AFG1L: variants seen among roughly 807,000 people sequenced by gnomAD.
AFG1L encodes the protein AFG1 like ATPase, also known as AFG1-like ATPase.
AFG1L carries 53 observed loss-of-function variants against 62.2 expected under a neutral mutation model. That is an observed-to-expected ratio of 0.85 (90% CI 0.68 to 1.07). The LOEUF (loss-of-function observed/expected upper bound fraction) is 1.07, where lower values mean the gene tolerates loss of function less well. Ranked by LOEUF, AFG1L falls within the 50% of genes least tolerant of loss-of-function variation. AFG1L has a pLI of 0.00. For missense variants in AFG1L, 555 were observed against 590.5 expected, an observed-to-expected ratio of 0.94 and a Z score of 0.62; for synonymous variants, 228 against 210.3, an observed-to-expected ratio of 1.08 and a Z score of -0.73.
At chr6:108,428,211 T>C (rs565441865) in intron 7 of AFG1L, among the ~76,000 whole-genome samples, 31 of 152,232 alleles carry the variant, frequency 2.0e-4, no homozygotes, top group Non-Finnish European at 4.4e-4. Context: ...TTTGGTTTTC[T>C]ATTCCTGAGT....
chr6:108,431,852 G>A (rs1771092927), intron 7 of AFG1L, among the ~76,000 whole-genome samples: 1 of 151,830 alleles, frequency 6.6e-6, no homozygotes, highest in African/African-American at 2.4e-5. Context: ...CCAAAGTGCT[G>A]GGATTATAGG....
chr6:108,458,238 C>A (rs2114774096), intron 8 of AFG1L, among the ~76,000 whole-genome samples: 1 of 152,142 alleles, frequency 6.6e-6, no homozygotes, highest in South Asian at 2.1e-4. Context: ...TCTCCCCATC[C>A]CTTCCCCTCC....
intron 6 of AFG1L, among the ~76,000 whole-genome samples, chr6:108,401,134 T>TA (rs1781586844): frequency 1.7e-5 from 1 of 59,328 alleles, no homozygotes; most frequent in Non-Finnish European, 4.6e-5. Flanking sequence ...GCCTGGCTAA[T>TA]TTTTTTTTTT....
At chr6:108,452,012 G>T (rs940607694) in intron 8 of AFG1L, among the ~76,000 whole-genome samples, 1 of 152,128 alleles carries the variant, frequency 6.6e-6, no homozygotes, top group Non-Finnish European at 1.5e-5. Flanking sequence ...CACCACGCCC[G>T]GCCAGTTTGT....
rs1280349194 is a variant in AFG1L at position 108,477,189 on chromosome 6, T to C, written c.962-3T>C. 6.3e-7 allele frequency: 1 copy of C among 1,574,836 alleles called. No homozygotes were observed. On this transcript the variant is annotated splice_region_variant and splice_polypyrimidine_tract_variant and intron_variant, in intron 9 of 12. Coordinates refer to ENST00000368977, the MANE Select transcript of AFG1L (RefSeq NM_145315.5). ...GATTGAGTCTTTGTTCATGTTCCCA[T>C]AGTAACTAGACCAAGGATTCTAAAA...
At chr6:108,446,093 CACACACACA>C (rs1562166647) in intron 7 of AFG1L, among the ~76,000 whole-genome samples, 18 of 114,536 alleles carry the variant, frequency 1.6e-4, no homozygotes, top group South Asian at 5.2e-4. Flanking sequence ...CACACACACA[CACACACACA>C]CCCCTACATA....
At chr6:108,339,724 A>G (rs1778609840) in intron 2 of AFG1L, among the ~76,000 whole-genome samples, 1 of 152,162 alleles carries the variant, frequency 6.6e-6, no homozygotes, top group African/African-American at 2.4e-5. Context: ...GCTGGATTAC[A>G]GGTGTGAACT....
intron 10 of AFG1L, among the ~76,000 whole-genome samples, chr6:108,506,144 G>T (rs1016890740): frequency 6.6e-6 from 1 of 152,156 alleles, no homozygotes; most frequent in African/African-American, 2.4e-5. Context: ...CAAATCTGCA[G>T]ATCCTGAAGT....
intron 8 of AFG1L, among the ~76,000 whole-genome samples, chr6:108,463,352 C>T (rs1262332770): frequency 6.7e-6 from 1 of 148,586 alleles, no homozygotes; most frequent in African/African-American, 2.5e-5. Flanking sequence ...TGGATGTGAC[C>T]ATCTTTTTCT....
At chr6:108,375,254 T>C (rs928940699) in intron 6 of AFG1L, among the ~76,000 whole-genome samples, 19 of 152,198 alleles carry the variant, frequency 1.2e-4, no homozygotes, top group African/African-American at 4.6e-4. Flanking sequence ...TTTCAAGGTA[T>C]AGAATCATAC....
intron 10 of AFG1L, among the ~76,000 whole-genome samples, chr6:108,487,545 G>A (rs1025802452): frequency 7.2e-5 from 11 of 152,108 alleles, no homozygotes; most frequent in African/African-American, 2.7e-4. Flanking sequence ...CAGTTTTGAT[G>A]AATACTGATC....
At chr6:108,499,727 G>T (rs2114873156) in intron 10 of AFG1L, among the ~76,000 whole-genome samples, 1 of 151,970 alleles carries the variant, frequency 6.6e-6, no homozygotes, top group Middle Eastern at 3.4e-3. Flanking sequence ...CTCCAGTCTG[G>T]GCAAAAGAGC....
chr6:108,478,607 A>G (rs979764684), intron 10 of AFG1L, among the ~76,000 whole-genome samples: 1 of 152,184 alleles, frequency 6.6e-6, no homozygotes, highest in Non-Finnish European at 1.5e-5. Flanking sequence ...ACATCTCCTG[A>G]CAAAATTCTA....
chr6:108,520,508 C>T (rs1775084359), intron 12 of AFG1L: 1 of 152,082 alleles, frequency 6.6e-6, no homozygotes, highest in South Asian at 2.1e-4. Context: ...CAACTATCGA[C>T]AACTGAAATA....
intron 2 of AFG1L, among the ~76,000 whole-genome samples, chr6:108,342,957 CAG>C (rs1778733917): frequency 6.6e-6 from 1 of 151,826 alleles, no homozygotes; most frequent in South Asian, 2.1e-4. Context: ...TACAACATAA[CAG>C]ATTATATATG....
intron 6 of AFG1L, among the ~76,000 whole-genome samples, chr6:108,386,755 C>T (rs779017873): frequency 1.3e-5 from 2 of 152,036 alleles, no homozygotes; most frequent in Non-Finnish European, 2.9e-5. Context: ...CATGTGACAC[C>T]AGTAGCAGAA....
intron 1 of AFG1L, among the ~76,000 whole-genome samples, chr6:108,300,522 ATTTG>A (rs1040376887): frequency 6.6e-6 from 1 of 151,984 alleles, no homozygotes; most frequent in Non-Finnish European, 1.5e-5. Flanking sequence ...TTTTTTATTT[ATTTG>A]TTTATTTATA....
chr6:108,487,559 C>G (rs1252435189), intron 10 of AFG1L, among the ~76,000 whole-genome samples: 1 of 152,102 alleles, frequency 6.6e-6, no homozygotes, highest in East Asian at 1.9e-4. Context: ...ACTGATCTGT[C>G]ATTCCTTTTA....
At chr6:108,415,206 A>G (rs1782307091) in intron 7 of AFG1L, among the ~76,000 whole-genome samples, 1 of 152,182 alleles carries the variant, frequency 6.6e-6, no homozygotes, top group Non-Finnish European at 1.5e-5. Flanking sequence ...TCGGAATCCA[A>G]CTGACAAGGG....
Sources: allele counts gnomAD v4.1 joint callset (sites outside exome capture counted in the v4.1 genomes callset), GRCh38; gene constraint gnomAD v4.1.1; transcripts MANE v1.5; gene names NCBI Gene and HGNC (gene_info 2026-07-23, HGNC 2026-07-21).